Variants in SRGAP3 observed in about 807,000 individuals in gnomAD.
SRGAP3 encodes SLIT-ROBO Rho GTPase activating protein 3, also known as SLIT-ROBO Rho GTPase-activating protein 3.
In SRGAP3, 39 loss-of-function variants were observed where a neutral mutation model predicts 121.1. The observed-to-expected ratio is 0.32, with a 90% confidence interval of 0.25 to 0.42. The LOEUF (loss-of-function observed/expected upper bound fraction) is 0.42. Among genes scored for constraint, SRGAP3 ranks in the 10% least tolerant of loss-of-function variants. The pLI is 1.00. For synonymous variants in SRGAP3, 601 were observed against 570.0 expected (o/e 1.05, Z -0.77); for missense variants, 1,213 against 1,470.6 (o/e 0.82, Z 2.86).
rs147035099 is a variant in SRGAP3 at position 9,108,235 on chromosome 3, C to A, written c.261-3393G>T. Reference sequence around the variant, plus strand: ...AAAAACACCAAGACCCAGGACCCATCCAAGACAAAATCAGAATCTCTGGGG... The same window carrying A: ...AAAAACACCAAGACCCAGGACCCATACAAGACAAAATCAGAATCTCTGGGG... On this transcript the variant is annotated intron_variant, in intron 2 of 21. Transcript: ENST00000383836. Among the ~76,000 whole-genome samples, 64 of 152,234 alleles carry A rather than the reference C, an allele frequency of 4.2e-4. 3 individuals carry two copies. The East Asian group carries it at 0.012, about 28-fold the overall frequency.
Position 9,015,768 on chromosome 3 carries a change from T to C in SRGAP3, c.1679-37A>G, listed in dbSNP as rs770622068. 12 of 1,613,172 alleles carry C rather than the reference T, an allele frequency of 7.4e-6. No homozygotes were observed. In the South Asian group the frequency reaches 1.3e-4, roughly 18 times the overall value. ...CAAGAGACGAGATGATATTTCAGCT[T>C]GGGAAGGAGTCAGAGAACGTGCAGA... On this transcript the variant is annotated intron_variant, in intron 14 of 21. Transcript: ENST00000383836.
At chr3:9,230,032 C>G (rs1486164866) in intron 1 of SRGAP3, among the ~76,000 whole-genome samples, 1 of 152,186 alleles carries the variant, frequency 6.6e-6, no homozygotes. Context: ...AGTTAAGCAA[C>G]TCATTCACTG....
intron 1 of SRGAP3, among the ~76,000 whole-genome samples, chr3:9,127,029 T>C (rs1949259949): frequency 6.6e-6 from 1 of 152,182 alleles, no homozygotes; most frequent in African/African-American, 2.4e-5. Context: ...TCACAAACCC[T>C]TGCTACTCAA....
At chr3:9,349,176 G>A (rs778742492) in intron 1 of SRGAP3, 3 of 727,584 alleles carry the variant, frequency 4.1e-6, no homozygotes, top group Non-Finnish European at 7.6e-6. Context: ...GCTGCCCAGG[G>A]TAAGGCCAAG....
chr3:9,054,950 T>C (rs1945748598), intron 8 of SRGAP3, among the ~76,000 whole-genome samples: 1 of 152,350 alleles, frequency 6.6e-6, no homozygotes, highest in Non-Finnish European at 1.5e-5. Flanking sequence ...TAGCAGCTCA[T>C]ACAGAAGAAC....
chr3:9,314,765 G>A (rs1955315662), intron 3 of SRGAP3, among the ~76,000 whole-genome samples: 1 of 151,078 alleles, frequency 6.6e-6, no homozygotes, highest in Non-Finnish European at 1.5e-5. Flanking sequence ...ACCCGGGAAA[G>A]TAAGGCTGTA....
intron 1 of SRGAP3, among the ~76,000 whole-genome samples, chr3:9,198,889 C>T (rs1206092708): frequency 6.6e-6 from 1 of 152,176 alleles, no homozygotes; most frequent in African/African-American, 2.4e-5. Context: ...AAAATTAAAA[C>T]CCCAGCCTGT....
At chr3:9,048,310 T>TG (rs1945388177) in intron 9 of SRGAP3, among the ~76,000 whole-genome samples, 1 of 152,274 alleles carries the variant, frequency 6.6e-6, no homozygotes, top group Non-Finnish European at 1.5e-5. Context: ...GGCATGCCTC[T>TG]GCTGCATGGC....
intron 19 of SRGAP3, among the ~76,000 whole-genome samples, chr3:8,993,657 G>T (rs752900855): frequency 1.4e-4 from 21 of 152,204 alleles, no homozygotes; most frequent in African/African-American, 5.1e-4. Flanking sequence ...CTGGCAGTCT[G>T]CTTGGCCCTG....
At chr3:9,221,043 C>A (rs1952795588) in intron 1 of SRGAP3, among the ~76,000 whole-genome samples, 1 of 152,214 alleles carries the variant, frequency 6.6e-6, no homozygotes, top group South Asian at 2.1e-4. Context: ...ATCCCAGCCC[C>A]ATGGCCAGGA....
rs1949748680 is a variant in SRGAP3 at position 9,138,679 on chromosome 3, A to G, written c.68-13762T>C. ...TTTTGAGCACTCACATGATGCCACA[A>G]GTGGAAAATCCCACACGTGACCTCA... On this transcript the variant is annotated intron_variant, in intron 1 of 21. Coordinates refer to ENST00000383836, the MANE Select transcript of SRGAP3 (RefSeq NM_014850.4). 2.0e-5 allele frequency among the ~76,000 whole-genome samples: 3 copies of G among 152,232 alleles called. No individual in the cohort carries two copies. In the South Asian group the frequency reaches 6.2e-4, roughly 32 times the overall value.
chr3:8,984,736 G>A lies in SRGAP3; in HGVS notation c.*783C>T, dbSNP rs367891341. ...GGCAGGGTCTCTGGGGTGGACGGGG[G>A]TGGGGATTTCCTATGAAGGGTTCCC... On this transcript the variant is annotated 3_prime_UTR_variant, in exon 22 of 22. Coordinates refer to ENST00000383836, the MANE Select transcript of SRGAP3 (RefSeq NM_014850.4). The A allele has an allele frequency of 4.3e-6, 1 of 232,188 alleles. No homozygotes were observed. The highest frequency in any genetic ancestry group is 2.2e-5 in the African/African-American group (1 of 45,206). The allele number at this position is 232,188 out of a possible 1,614,324, so 14.4% of individuals were successfully genotyped here. A position where few individuals can be genotyped will look rare whatever the true frequency, so the allele number is the denominator to read the frequency against.
At chr3:8,997,617 G>A (rs1942483276) in intron 18 of SRGAP3, among the ~76,000 whole-genome samples, 1 of 152,052 alleles carries the variant, frequency 6.6e-6, no homozygotes, top group Non-Finnish European at 1.5e-5. Context: ...AGCTCAATCT[G>A]CTCTTGCCTC....
chr3:9,305,387 A>AT (rs1455429918), intron 3 of SRGAP3, among the ~76,000 whole-genome samples: 29 of 111,822 alleles, frequency 2.6e-4, no homozygotes, highest in African/African-American at 4.5e-4. Context: ...TTTTTTTTAG[A>AT]TTTTTTTTGT....
At chr3:9,201,674 G>A (rs941074921) in intron 1 of SRGAP3, among the ~76,000 whole-genome samples, 1 of 152,212 alleles carries the variant, frequency 6.6e-6, no homozygotes, top group South Asian at 2.1e-4. Flanking sequence ...ATGACTTGGC[G>A]TTTGTCATCA....
At chr3:9,210,016 C>T (rs181205143) in intron 1 of SRGAP3, among the ~76,000 whole-genome samples, 1 of 151,694 alleles carries the variant, frequency 6.6e-6, no homozygotes, top group African/African-American at 2.4e-5. Flanking sequence ...CTTCAAAAAA[C>T]ATTATGCTTA....
intron 1 of SRGAP3, among the ~76,000 whole-genome samples, chr3:9,203,463 C>T (rs947091353): frequency 9.2e-5 from 14 of 152,194 alleles, no homozygotes; most frequent in African/African-American, 3.4e-4. Flanking sequence ...TAACTGAGAA[C>T]CGACCACATG....
chr3:9,345,785 CAAAAAAA>C (rs34225108), intron 1 of SRGAP3, among the ~76,000 whole-genome samples: 8 of 65,272 alleles, frequency 1.2e-4, no homozygotes, highest in Admixed American at 5.1e-4. Flanking sequence ...GACTCCAACT[CAAAAAAA>C]AAAAAAAAAA....
intron 1 of SRGAP3, 29 bp from the exon 2 acceptor site, chr3:9,124,946 G>A (rs1187319835): frequency 6.2e-7 from 1 of 1,613,096 alleles, no homozygotes; most frequent in Non-Finnish European, 8.5e-7. Flanking sequence ...AGGAGCATGA[G>A]ACTGGTGGTG....
Sources: allele counts gnomAD v4.1 joint callset (sites outside exome capture counted in the v4.1 genomes callset), GRCh38; gene constraint gnomAD v4.1.1; transcripts MANE v1.5; gene names NCBI Gene and HGNC (gene_info 2026-07-23, HGNC 2026-07-21).